The following JAK1 variants were observed in gnomAD, a reference collection of about 807,000 sequenced individuals.
JAK1 encodes the protein Janus kinase 1, also known as tyrosine-protein kinase JAK1.
A neutral mutation model predicts 136.6 loss-of-function variants in JAK1; 16 were observed. That is an observed-to-expected ratio of 0.12 (90% CI 0.08 to 0.18). The LOEUF is 0.18. Ranked by LOEUF, JAK1 falls within the 10% of genes least tolerant of loss-of-function variation. The probability of loss-of-function intolerance (pLI) is 1.00; values close to 1 mark genes in which losing one functional copy is unlikely to be tolerated. For synonymous variants in JAK1, 492 were observed against 519.5 expected (o/e 0.95, Z 0.72); for missense variants, 859 against 1,450.1 (o/e 0.59, Z 6.62).
Position 64,838,038 on chromosome 1 carries a change from C to T in JAK1, c.3034G>A (p.Glu1012Lys). Residue 1012 changes from glutamate (E) to lysine (K), a missense_variant, in exon 22 of 25, where the codon GAG becomes AAG. Physicochemically the swap from Glu to Lys is moderately conservative, Grantham distance 56. Transcript: ENST00000342505. ...RDLAARNVLV[E>K]SEHQVKIGDF... ...CCAATTTTCACTTGGTGTTCACTCT[C>T]AACAAGGACATTTCTTGCTGCCAAG... 1 of 1,614,212 alleles carries T rather than the reference C, an allele frequency of 6.2e-7. No individual in the cohort carries two copies. Among genetic ancestry groups the T allele is most frequent in the Non-Finnish European group, 8.5e-7 (1 of 1,180,038 alleles).
At chr1:64,994,327 C>A (rs1272948261) in intron 2 of JAK1, among the ~76,000 whole-genome samples, 1 of 152,334 alleles carries the variant, frequency 6.6e-6, no homozygotes, top group East Asian at 1.9e-4. Context: ...ACTGTTGCAG[C>A]CCCCAGCGCC....
intron 2 of JAK1, among the ~76,000 whole-genome samples, chr1:64,983,864 T>G (rs2100703163): frequency 6.6e-6 from 1 of 152,364 alleles, no homozygotes; most frequent in South Asian, 2.1e-4. Flanking sequence ...TATATAGGCA[T>G]ATGACTTTTC....
At chr1:64,899,833 T>A (rs941017269) in intron 1 of JAK1, among the ~76,000 whole-genome samples, 2 of 152,208 alleles carry the variant, frequency 1.3e-5, no homozygotes, top group African/African-American at 4.8e-5. Flanking sequence ...CACAAGAATC[T>A]TACAATATGG....
intron 2 of JAK1, among the ~76,000 whole-genome samples, chr1:65,029,104 T>C (rs1557765086): frequency 6.6e-6 from 1 of 152,086 alleles, no homozygotes; most frequent in Non-Finnish European, 1.5e-5. Flanking sequence ...TTTTCCTTTT[T>C]TTTTTCTCCT....
At chr1:65,047,211 A>T (rs1368912099) in intron 1 of JAK1, among the ~76,000 whole-genome samples, 1 of 152,062 alleles carries the variant, frequency 6.6e-6, no homozygotes. Context: ...TTCTAACCAT[A>T]CAGTGGGGGA....
intron 23 of JAK1, 139 bp from the exon 24 acceptor site, chr1:64,835,645 T>TA: frequency 1.6e-6 from 1 of 627,612 alleles, no homozygotes; most frequent in Non-Finnish European, 2.8e-6. Context: ...TAACTTTAAA[T>TA]AAAAATCCAA....
intron 1 of JAK1, among the ~76,000 whole-genome samples, chr1:64,892,461 T>A (rs549673703): frequency 6.6e-6 from 1 of 152,216 alleles, no homozygotes; most frequent in South Asian, 2.1e-4. Flanking sequence ...TTGTTGTTGT[T>A]GTTTTTGGGA....
intron 1 of JAK1, among the ~76,000 whole-genome samples, chr1:64,889,915 A>C: frequency 6.6e-6 from 1 of 152,252 alleles, no homozygotes; most frequent in East Asian, 1.9e-4. Flanking sequence ...AGACTGGTTG[A>C]CAGTGAAACT....
chr1:64,914,756 G>T (rs1303133102), intron 1 of JAK1, among the ~76,000 whole-genome samples: 1 of 152,078 alleles, frequency 6.6e-6, no homozygotes, highest in Non-Finnish European at 1.5e-5. Context: ...TAGAGATGGG[G>T]TTTCACCATG....
chr1:65,067,594 C>T (rs1290060047), intron 1 of JAK1: 1 of 147,682 alleles, frequency 6.8e-6, no homozygotes, highest in Non-Finnish European at 1.5e-5. Flanking sequence ...GCCGCCGCCC[C>T]CACACCCACC....
chr1:64,846,723 G>A lies in JAK1; in HGVS notation c.1913C>T (p.Ala638Val), dbSNP rs771577636. The change falls in exon 14 of 25, where the codon GCA becomes GTA. Residue 638 changes from alanine to valine, a missense_variant. By Grantham distance (64) the Ala-to-Val change is moderately conservative. Around this residue, in one of 4 missense-constraint regions of JAK1, gnomAD observed 409 missense variants for 753.8 expected, o/e 0.54. Coordinates refer to ENST00000342505, the MANE Select transcript of JAK1 (RefSeq NM_002227.4). Reference sequence around the variant, plus strand: ...GGAGACCTGTCTCATCATGCTGGCTGCCTCGAAGAAGGCCTGTGGGCGAGC... The same window carrying A: ...GGAGACCTGTCTCATCATGCTGGCTACCTCGAAGAAGGCCTGTGGGCGAGC... Reference protein sequence around the residue: ...HRDISLAFFEAASMMRQVSHK... With the variant: ...HRDISLAFFEVASMMRQVSHK... The A allele has an allele frequency of 3.1e-6, 5 of 1,613,912 alleles. No individual in the cohort carries two copies. The highest frequency in any genetic ancestry group is 4.2e-6 in the Non-Finnish European group (5 of 1,179,902).
intron 1 of JAK1, among the ~76,000 whole-genome samples, chr1:64,896,997 C>T (rs1188446710): frequency 6.6e-6 from 1 of 152,130 alleles, no homozygotes; most frequent in Non-Finnish European, 1.5e-5. Context: ...TATACATAAA[C>T]ACAGTAGGAA....
chr1:64,904,770 T>C (rs1178996983), intron 1 of JAK1, among the ~76,000 whole-genome samples: 3 of 151,762 alleles, frequency 2.0e-5, no homozygotes, highest in Non-Finnish European at 4.4e-5. Context: ...CCCTATAAAA[T>C]TGGATAAACA....
chr1:65,002,194 T>C (rs1323400823), intron 2 of JAK1: 1 of 152,228 alleles, frequency 6.6e-6, no homozygotes, highest in Non-Finnish European at 1.5e-5. Flanking sequence ...TGTGTATATA[T>C]GCACATATAT....
intron 1 of JAK1, among the ~76,000 whole-genome samples, chr1:64,954,979 C>T (rs1646157055): frequency 6.6e-6 from 1 of 152,198 alleles, no homozygotes; most frequent in Admixed American, 6.5e-5. Context: ...ATCTAAGCCA[C>T]TGGCAGAGCC....
intron 2 of JAK1, among the ~76,000 whole-genome samples, chr1:65,006,716 G>A (rs2100761319): frequency 6.6e-6 from 1 of 152,206 alleles, no homozygotes; most frequent in South Asian, 2.1e-4. Flanking sequence ...GTCTTATTTT[G>A]TTGTTTCAGT....
At chr1:64,875,178 GGA>G (rs1455428725) in intron 4 of JAK1, among the ~76,000 whole-genome samples, 1 of 152,216 alleles carries the variant, frequency 6.6e-6, no homozygotes, top group African/African-American at 2.4e-5. Context: ...GAGGTGCCGA[GGA>G]GACAGGTCGC....
intron 1 of JAK1, among the ~76,000 whole-genome samples, chr1:64,961,197 T>C (rs1220972488): frequency 6.6e-6 from 1 of 152,208 alleles, no homozygotes; most frequent in Non-Finnish European, 1.5e-5. Flanking sequence ...TAAAAGCAAA[T>C]CAAAGTAGGT....
At chr1:65,057,109 T>A (rs1452830075) in intron 1 of JAK1, among the ~76,000 whole-genome samples, 1 of 152,136 alleles carries the variant, frequency 6.6e-6, no homozygotes, top group Non-Finnish European at 1.5e-5. Context: ...GATACAGACA[T>A]GAGCCTAGGA....
Sources: allele counts gnomAD v4.1 joint callset (sites outside exome capture counted in the v4.1 genomes callset), GRCh38; gene constraint gnomAD v4.1.1; regional missense constraint gnomAD v4.1.1; transcripts MANE v1.5; gene names NCBI Gene and HGNC (gene_info 2026-07-23, HGNC 2026-07-21).